The following ZBTB7C variants were observed in gnomAD, a reference collection of about 807,000 sequenced individuals.
The protein encoded by ZBTB7C is zinc finger and BTB domain-containing protein 7C.
In ZBTB7C, 8 loss-of-function variants were observed where a neutral mutation model predicts 25.7. The observed-to-expected ratio is 0.31, with a 90% CI of 0.18 to 0.56. ZBTB7C has a LOEUF of 0.56. Among genes scored for constraint, ZBTB7C ranks in the 20% least tolerant of loss-of-function variants. The probability of loss-of-function intolerance (pLI) is 0.91; values close to 1 mark genes in which losing one functional copy is unlikely to be tolerated. For synonymous variants in ZBTB7C, 394 were observed against 369.0 expected (o/e 1.07, Z -0.78); for missense variants, 824 against 855.2 (o/e 0.96, Z 0.46).
intron 1 of ZBTB7C, among the ~76,000 whole-genome samples, chr18:48,387,446 G>A (rs2047774980): frequency 1.3e-5 from 2 of 152,182 alleles, no homozygotes; most frequent in South Asian, 4.1e-4. Context: ...GAGACTACTG[G>A]AAAACACGGT....
chr18:48,366,188 A>C (rs1029688589), intron 1 of ZBTB7C, among the ~76,000 whole-genome samples: 1 of 152,248 alleles, frequency 6.6e-6, no homozygotes, highest in African/African-American at 2.4e-5. Context: ...CACACAGAGA[A>C]GACCCATAAT....
intron 1 of ZBTB7C, among the ~76,000 whole-genome samples, chr18:48,366,510 GA>G (rs998122551): frequency 3.3e-5 from 5 of 152,038 alleles, no homozygotes; most frequent in Non-Finnish European, 7.4e-5. Flanking sequence ...GACAAAATAG[GA>G]AAAAATATTT....
intron 3 of ZBTB7C, among the ~76,000 whole-genome samples, chr18:48,113,045 TCA>T (rs1391487890): frequency 6.6e-6 from 1 of 152,230 alleles, no homozygotes; most frequent in Non-Finnish European, 1.5e-5. Context: ...TGATTACCTA[TCA>T]CAGGAAAATC....
At chr18:48,338,866 T>C (rs2046520891) in intron 1 of ZBTB7C, among the ~76,000 whole-genome samples, 1 of 146,498 alleles carries the variant, frequency 6.8e-6, no homozygotes, top group Non-Finnish European at 1.5e-5. Flanking sequence ...TTAACTCTTC[T>C]ATCCCAGATC....
At chr18:48,233,349 A>G (rs2043301757) in intron 2 of ZBTB7C, among the ~76,000 whole-genome samples, 1 of 152,044 alleles carries the variant, frequency 6.6e-6, no homozygotes, top group Non-Finnish European at 1.5e-5. Context: ...TAAGAAATAA[A>G]TTTTTCTTTA....
In ZBTB7C at chr18:48,029,486, T is replaced by C. The variant is rs922417422; in HGVS notation, c.1634A>G (p.Gln545Arg). ...LAAPKGALSLQELERQFEETQ... is the reference protein window; with the variant it reads ...LAAPKGALSLRELERQFEETQ... ...CTCCTCGAACTGCCGCTCCAGCTCT[T>C]GCAGGCTCAGGGCGCCCTTGGGCGC... The change falls in exon 5 of 5, where the codon CAA becomes CGA. Residue 545 changes from glutamine (Q) to arginine (R), a missense_variant. Gln to Arg is a conservative substitution (Grantham distance 43). Around this residue, in one of 4 missense-constraint regions of ZBTB7C, gnomAD observed 342 missense variants for 307.0 expected, o/e 1.11. Coordinates refer to ENST00000590800, the MANE Select transcript of ZBTB7C (RefSeq NM_001318841.2). 1 of 1,595,960 alleles carries C rather than the reference T, an allele frequency of 6.3e-7. No homozygotes were observed. Among genetic ancestry groups the C allele is most frequent in the Non-Finnish European group, 8.5e-7 (1 of 1,175,480 alleles).
Position 48,343,466 on chromosome 18 carries a change from C to T in ZBTB7C, c.-303-5068G>A, listed in dbSNP as rs113443584. 9.3e-3 allele frequency among the ~76,000 whole-genome samples: 1,420 copies of T among 152,258 alleles called. 20 individuals carry two copies. Among genetic ancestry groups the T allele is most frequent in the African/African-American group, 0.032 (1,348 of 41,542 alleles). On this transcript the variant is annotated intron_variant, in intron 1 of 4. Transcript: ENST00000590800. ...GCAATAAAATAAAAAAGTACTTGCT[C>T]ATTGTAGGAACTTAACATCCTTCTA...
At chr18:48,263,242 T>C (rs981446236) in intron 2 of ZBTB7C, among the ~76,000 whole-genome samples, 11 of 152,222 alleles carry the variant, frequency 7.2e-5, no homozygotes, top group African/African-American at 2.2e-4. Flanking sequence ...ACACTCTGAC[T>C]GCCTCAGCCC....
At chr18:48,380,292 AC>A (rs2047606181) in intron 1 of ZBTB7C, among the ~76,000 whole-genome samples, 1 of 152,224 alleles carries the variant, frequency 6.6e-6, no homozygotes, top group African/African-American at 2.4e-5. Context: ...ATATAGGTTA[AC>A]AATTCTGAAA....
chr18:48,315,756 G>T (rs2045932882), intron 2 of ZBTB7C, among the ~76,000 whole-genome samples: 1 of 152,142 alleles, frequency 6.6e-6, no homozygotes, highest in Admixed American at 6.5e-5. Flanking sequence ...ACTGTTCAGA[G>T]AATCTCTAGG....
intron 3 of ZBTB7C, among the ~76,000 whole-genome samples, chr18:48,155,367 G>A (rs1473024824): frequency 6.4e-5 from 7 of 109,144 alleles, no homozygotes; most frequent in East Asian, 3.0e-4. Flanking sequence ...TCACTCTATC[G>A]CCCAGGCTGG....
chr18:48,183,325 A>G (rs1033973334), intron 3 of ZBTB7C, among the ~76,000 whole-genome samples: 14 of 152,168 alleles, frequency 9.2e-5, no homozygotes, highest in Non-Finnish European at 1.0e-4. Flanking sequence ...GGAAAGTAAC[A>G]CAAAACTCTG....
chr18:48,357,497 G>A (rs1050869889), intron 1 of ZBTB7C, among the ~76,000 whole-genome samples: 1 of 152,212 alleles, frequency 6.6e-6, no homozygotes, highest in Non-Finnish European at 1.5e-5. Flanking sequence ...CCTGCTCAGC[G>A]CTCAGCGTCG....
chr18:48,101,216 T>C (rs550155713), intron 3 of ZBTB7C, among the ~76,000 whole-genome samples: 2 of 152,364 alleles, frequency 1.3e-5, no homozygotes, highest in East Asian at 3.9e-4. Context: ...CACCTGATTC[T>C]ACCCTTGGCG....
chr18:48,121,021 A>G (rs908009809), intron 3 of ZBTB7C, among the ~76,000 whole-genome samples: 3 of 152,244 alleles, frequency 2.0e-5, no homozygotes, highest in Non-Finnish European at 4.4e-5. Context: ...GGCAGGCACA[A>G]GTCCCCAGAG....
chr18:48,157,772 C>T (rs1028658142), intron 3 of ZBTB7C, among the ~76,000 whole-genome samples: 3 of 152,162 alleles, frequency 2.0e-5, no homozygotes, highest in Admixed American at 6.5e-5. Context: ...TTAGAACACC[C>T]GCTGGCATAT....
chr18:48,263,892 C>T (rs991810511), intron 2 of ZBTB7C, among the ~76,000 whole-genome samples: 1 of 152,062 alleles, frequency 6.6e-6, no homozygotes, highest in Non-Finnish European at 1.5e-5. Flanking sequence ...AATTAGCCCC[C>T]CAAATGGAGT....
chr18:48,281,606 A>G (rs1397775517), intron 2 of ZBTB7C, among the ~76,000 whole-genome samples: 2 of 152,218 alleles, frequency 1.3e-5, no homozygotes, highest in East Asian at 3.8e-4. Flanking sequence ...ACTCAAACAA[A>G]TTTACAAGAA....
intron 2 of ZBTB7C, among the ~76,000 whole-genome samples, chr18:48,333,759 C>G (rs562031747): frequency 1.5e-4 from 23 of 152,182 alleles, no homozygotes; most frequent in Non-Finnish European, 2.1e-4. Context: ...GGGGCGGGGG[C>G]TCTCCAGTCT....
Sources: allele counts gnomAD v4.1 joint callset (sites outside exome capture counted in the v4.1 genomes callset), GRCh38; gene constraint gnomAD v4.1.1; regional missense constraint gnomAD v4.1.1; transcripts MANE v1.5; gene names NCBI Gene and HGNC (gene_info 2026-07-23, HGNC 2026-07-21).